The following IQGAP1 variants were observed in gnomAD, a reference collection of about 807,000 sequenced individuals.
The protein encoded by IQGAP1 is ras GTPase-activating-like protein IQGAP1.
A neutral mutation model predicts 215.6 loss-of-function variants in IQGAP1; 66 were observed. That is an observed-to-expected ratio of 0.31 (90% CI 0.25 to 0.38). The LOEUF is 0.38. Among genes scored for constraint, IQGAP1 ranks in the 10% least tolerant of loss-of-function variants. IQGAP1 has a pLI of 1.00. For synonymous variants in IQGAP1, 772 were observed against 728.7 expected (o/e 1.06, Z -0.96); for missense variants, 1,712 against 1,997.1 (o/e 0.86, Z 2.72).
At chr15:90,458,772 A>G (rs1045954621) in intron 15 of IQGAP1, among the ~76,000 whole-genome samples, 2 of 152,198 alleles carry the variant, frequency 1.3e-5, no homozygotes, top group Non-Finnish European at 2.9e-5. Context: ...TTTCCTGGCT[A>G]TGAAATAGCA....
Position 90,388,528 on chromosome 15 carries a change from C to T in IQGAP1, c.55+132C>T, listed in dbSNP as rs866566127. Reference sequence around the variant, plus strand: ...GCAGCTCGGACCCGGAAGAGCCGTCCCGGTGGGGCGGCGGGCGGCGGGCGG... The same window carrying T: ...GCAGCTCGGACCCGGAAGAGCCGTCTCGGTGGGGCGGCGGGCGGCGGGCGG... On this transcript the variant is annotated intron_variant, in intron 1 of 37. Transcript: ENST00000268182. The T allele has an allele frequency of 2.5e-4, 197 of 779,822 alleles. 2 individuals are homozygous for T. In the Middle Eastern group the frequency reaches 5.3e-3, roughly 21 times the overall value. The allele number at this position is 779,822 out of a possible 1,614,324, so 48.3% of individuals were successfully genotyped here. A position where few individuals can be genotyped will look rare whatever the true frequency, so the allele number is the denominator to read the frequency against.
intron 1 of IQGAP1, 116 bp downstream of exon 1, chr15:90,388,512 A>C: frequency 3.3e-6 from 3 of 899,344 alleles, no homozygotes; most frequent in Non-Finnish European, 3.1e-6. Flanking sequence ...GGCAGCTCGG[A>C]CCCGGAAGAG....
chr15:90,469,988 CAG>C (rs139478690), intron 18 of IQGAP1, among the ~76,000 whole-genome samples: 3,450 of 152,204 alleles, frequency 0.023, 96 homozygotes, highest in East Asian at 0.11. Flanking sequence ...CAACTTCTAG[CAG>C]AGTGATTTTT....
At chr15:90,427,632 C>T (rs933243872) in intron 3 of IQGAP1, among the ~76,000 whole-genome samples, 2 of 151,986 alleles carry the variant, frequency 1.3e-5, no homozygotes, top group Non-Finnish European at 2.9e-5. Context: ...CCCAGCCACT[C>T]AGGAGGCTGA....
intron 15 of IQGAP1, among the ~76,000 whole-genome samples, chr15:90,463,873 A>T (rs1192739375): frequency 6.6e-6 from 1 of 152,114 alleles, no homozygotes; most frequent in Non-Finnish European, 1.5e-5. Context: ...TGTCACCTGC[A>T]CTCTTTATAA....
chr15:90,490,976 T>G (rs1365898413), intron 33 of IQGAP1, among the ~76,000 whole-genome samples: 1 of 152,114 alleles, frequency 6.6e-6, no homozygotes, highest in African/African-American at 2.4e-5. Flanking sequence ...CTCGGCTAAT[T>G]TTGTTTTTGT....
intron 10 of IQGAP1, among the ~76,000 whole-genome samples, chr15:90,449,124 C>T (rs1223386704): frequency 6.6e-6 from 1 of 150,952 alleles, no homozygotes; most frequent in Non-Finnish European, 1.5e-5. Context: ...TGGAAAAGTA[C>T]TTACTGTGCA....
intron 3 of IQGAP1, among the ~76,000 whole-genome samples, 184 bp from the exon 4 acceptor site, chr15:90,429,405 G>T (rs1243371206): frequency 6.6e-6 from 1 of 152,168 alleles, no homozygotes; most frequent in African/African-American, 2.4e-5. Flanking sequence ...GGCTCTCCAG[G>T]TAGTTGCTAA....
chr15:90,461,642 C>T (rs1965763235), intron 15 of IQGAP1, among the ~76,000 whole-genome samples: 1 of 152,026 alleles, frequency 6.6e-6, no homozygotes, highest in South Asian at 2.1e-4. Flanking sequence ...AGTTTGAGAC[C>T]AGCCTGGCTG....
rs185251141 is a variant in IQGAP1 at position 90,417,666 on chromosome 15, T to C, written c.156-8444T>C. ...TAGCATGATGCTTCCAGCTTTGTTC[T>C]TTTGGCTTAGGATTGTCTTGGCAAT... On this transcript the variant is annotated intron_variant, in intron 2 of 37. Transcript: ENST00000268182. 8.3e-3 allele frequency among the ~76,000 whole-genome samples: 1,258 copies of C among 152,338 alleles called. 10 individuals carry two copies. The highest frequency in any genetic ancestry group is 0.028 in the African/African-American group (1,168 of 41,578).
intron 2 of IQGAP1, chr15:90,397,820 C>T (rs938383070): frequency 1.1e-4 from 16 of 150,892 alleles, no homozygotes; most frequent in African/African-American, 3.9e-4. Flanking sequence ...CCGGCCTGAA[C>T]TCAATAAACT....
intron 7 of IQGAP1, among the ~76,000 whole-genome samples, 162 bp from the exon 8 acceptor site, chr15:90,441,339 AGCCTG>A (rs1425744634): frequency 6.6e-6 from 1 of 152,154 alleles, no homozygotes; most frequent in Non-Finnish European, 1.5e-5. Flanking sequence ...CTAGGCTCAT[AGCCTG>A]GCCCAGGGAG....
At chr15:90,491,644 G>A (rs1387871708) in intron 34 of IQGAP1, 99 bp downstream of exon 34, 5 of 931,810 alleles carry the variant, frequency 5.4e-6, no homozygotes, top group Non-Finnish European at 8.3e-6. Flanking sequence ...TCAGTTCATG[G>A]GCAAATTAGT....
intron 19 of IQGAP1, 64 bp from the exon 20 acceptor site, chr15:90,473,651 T>G: frequency 1.6e-6 from 2 of 1,232,796 alleles, no homozygotes; most frequent in South Asian, 2.6e-5. Context: ...AGATGAAAGT[T>G]TTTTTTTAAC....
chr15:90,429,489 A>G, intron 3 of IQGAP1, 100 bp from the exon 4 acceptor site: 1 of 859,496 alleles, frequency 1.2e-6, no homozygotes, highest in East Asian at 2.6e-5. Flanking sequence ...AATTAAGGAA[A>G]ATTTGTCAAA....
Position 90,422,491 on chromosome 15 carries a change from AAGAT to A in IQGAP1, c.156-3616_156-3613del, listed in dbSNP as rs544097362. Among the ~76,000 whole-genome samples the A allele has an allele frequency of 1.8e-3, 271 of 151,830 alleles. 1 individual carries two copies. The highest frequency in any genetic ancestry group is 3.9e-3 in the Admixed American group (59 of 15,222). On this transcript the variant is annotated intron_variant, in intron 2 of 37. Coordinates refer to ENST00000268182, the MANE Select transcript of IQGAP1 (RefSeq NM_003870.4). ...ACATTTAGAAATGACATAAATGTCT[AAGAT>A]AGGTGACTTATTAAGGACTTGGTTA...
intron 2 of IQGAP1, among the ~76,000 whole-genome samples, chr15:90,423,532 C>T (rs973440849): frequency 2.0e-5 from 3 of 152,194 alleles, no homozygotes; most frequent in Non-Finnish European, 4.4e-5. Context: ...TGCATCCTAC[C>T]TAGTCCTGAT....
intron 7 of IQGAP1, among the ~76,000 whole-genome samples, 200 bp from the exon 8 acceptor site, chr15:90,441,306 C>CT (rs988093762): frequency 7.2e-5 from 11 of 152,080 alleles, no homozygotes; most frequent in Non-Finnish European, 1.6e-4. Context: ...GGAGCTGTGG[C>CT]TTTGCATACT....
chr15:90,498,728 A>G (rs1277693441), intron 37 of IQGAP1, among the ~76,000 whole-genome samples: 1 of 151,304 alleles, frequency 6.6e-6, no homozygotes, highest in South Asian at 2.1e-4. Context: ...ATTCACTGCA[A>G]CCTCCACCTC....
Sources: allele counts gnomAD v4.1 joint callset (sites outside exome capture counted in the v4.1 genomes callset), GRCh38; gene constraint gnomAD v4.1.1; transcripts MANE v1.5; gene names NCBI Gene and HGNC (gene_info 2026-07-23, HGNC 2026-07-21).